GPC5: variants seen among roughly 807,000 people sequenced by gnomAD.
The protein encoded by GPC5 is glypican 5, also known as glypican-5.
GPC5 carries 47 observed loss-of-function variants against 53.9 expected under a neutral mutation model. The observed-to-expected ratio is 0.87, with a 90% CI of 0.69 to 1.11. The LOEUF is 1.11. GPC5 is among the 50% of genes most tolerant of loss of function. The probability of loss-of-function intolerance (pLI) is 0.00; values close to 1 mark genes in which losing one functional copy is unlikely to be tolerated. For missense variants in GPC5, 748 were observed against 713.1 expected (o/e 1.05, Z -0.56); for synonymous variants, 286 against 263.3 (o/e 1.09, Z -0.84).
intron 7 of GPC5, among the ~76,000 whole-genome samples, chr13:92,564,076 G>C (rs1177311780): frequency 1.3e-5 from 2 of 151,980 alleles, no homozygotes; most frequent in Non-Finnish European, 2.9e-5. Flanking sequence ...CAAGTATATA[G>C]AGAGAAATAA....
At chr13:91,483,898 A>G (rs1487931074) in intron 2 of GPC5, among the ~76,000 whole-genome samples, 3 of 152,198 alleles carry the variant, frequency 2.0e-5, no homozygotes, top group Admixed American at 2.0e-4. Context: ...TTAAAGTCGC[A>G]GTTTCCAAGC....
At chr13:91,490,749 C>T (rs1048488205) in intron 2 of GPC5, among the ~76,000 whole-genome samples, 2 of 152,140 alleles carry the variant, frequency 1.3e-5, no homozygotes, top group Non-Finnish European at 2.9e-5. Flanking sequence ...GCTAAATGTA[C>T]AAGTTACTTC....
intron 2 of GPC5, among the ~76,000 whole-genome samples, chr13:91,504,074 A>G (rs1297910628): frequency 6.6e-6 from 1 of 151,950 alleles, no homozygotes; most frequent in Non-Finnish European, 1.5e-5. Context: ...ACAAAAAACA[A>G]TTGTTCTTCT....
In GPC5 at chr13:92,239,073, A is replaced by C. The variant is rs118077333; in HGVS notation, c.1561+94084A>C. On this transcript the variant is annotated intron_variant, in intron 7 of 7. Coordinates refer to ENST00000377067, the MANE Select transcript of GPC5 (RefSeq NM_004466.6). ...ACTATAAATGTGAAGTTTTATTTGT[A>C]GACTCTCATTAGTACCACACTGTCT... 5.3e-4 allele frequency among the ~76,000 whole-genome samples: 81 copies of C among 151,652 alleles called. 4 individuals carry two copies. The East Asian group carries it at 0.014, about 26-fold the overall frequency.
chr13:91,582,863 A>C (rs1337382612), intron 2 of GPC5, among the ~76,000 whole-genome samples: 2 of 152,130 alleles, frequency 1.3e-5, no homozygotes, highest in Non-Finnish European at 1.5e-5. Context: ...ATATACAAAA[A>C]TTATCTGGGC....
At chr13:91,678,197 A>G (rs2035427019) in intron 2 of GPC5, among the ~76,000 whole-genome samples, 1 of 152,156 alleles carries the variant, frequency 6.6e-6, no homozygotes, top group Non-Finnish European at 1.5e-5. Flanking sequence ...CCCGACCTGT[A>G]ACTGTAGGAA....
chr13:91,865,760 T>G (rs1594627090), intron 5 of GPC5, among the ~76,000 whole-genome samples: 1 of 152,266 alleles, frequency 6.6e-6, no homozygotes, highest in East Asian at 1.9e-4. Context: ...CTCTTCCCAT[T>G]TTTCTTTTTC....
chr13:92,491,533 G>A (rs1039166280), intron 7 of GPC5, among the ~76,000 whole-genome samples: 17 of 152,196 alleles, frequency 1.1e-4, no homozygotes, highest in African/African-American at 4.1e-4. Flanking sequence ...CACATCGGCA[G>A]CACGTTCTTC....
intron 7 of GPC5, among the ~76,000 whole-genome samples, chr13:92,471,575 T>C (rs1878912884): frequency 6.6e-6 from 1 of 152,080 alleles, no homozygotes; most frequent in South Asian, 2.1e-4. Flanking sequence ...CTTAGTTAAT[T>C]AGCTGGCAGA....
chr13:92,106,480 TTTCAC>T (rs1417855196), intron 6 of GPC5, among the ~76,000 whole-genome samples: 1 of 152,048 alleles, frequency 6.6e-6, no homozygotes, highest in Non-Finnish European at 1.5e-5. Flanking sequence ...AAATTGAACT[TTTCAC>T]TCACGAAACA....
At chr13:91,497,283 G>A (rs1884324067) in intron 2 of GPC5, among the ~76,000 whole-genome samples, 1 of 149,642 alleles carries the variant, frequency 6.7e-6, no homozygotes, top group Admixed American at 6.8e-5. Context: ...TTATACTGAA[G>A]TCAGATATAG....
chr13:91,975,820 A>C (rs1000392456), intron 6 of GPC5, among the ~76,000 whole-genome samples: 4 of 152,210 alleles, frequency 2.6e-5, no homozygotes, highest in Admixed American at 6.5e-5. Flanking sequence ...ACACATGCAC[A>C]CATATGTTTA....
At chr13:91,589,646 A>C (rs1264664870) in intron 2 of GPC5, among the ~76,000 whole-genome samples, 1 of 152,144 alleles carries the variant, frequency 6.6e-6, no homozygotes, top group African/African-American at 2.4e-5. Context: ...ACTGATTGAC[A>C]AAGGGTACAA....
chr13:91,815,341 C>A (rs2038383042), intron 5 of GPC5, among the ~76,000 whole-genome samples: 1 of 152,038 alleles, frequency 6.6e-6, no homozygotes, highest in African/African-American at 2.4e-5. Flanking sequence ...TGCACTCCAG[C>A]CTGGAAGACA....
rs141851768 is a variant in GPC5 at position 91,884,764 on chromosome 13, A to G, written c.1281-23173A>G. Reference sequence around the variant, plus strand: ...AGGAACCGTCAAGTTAGAAGTGCTCATATTCAAATGTGGTCAGAATCTGGA... The same window carrying G: ...AGGAACCGTCAAGTTAGAAGTGCTCGTATTCAAATGTGGTCAGAATCTGGA... On this transcript the variant is annotated intron_variant, in intron 5 of 7. Transcript: ENST00000377067. Among the ~76,000 whole-genome samples, 270 of 152,322 alleles carry G rather than the reference A, an allele frequency of 1.8e-3. 2 individuals carry two copies. Among genetic ancestry groups the G allele is most frequent in the African/African-American group, 6.1e-3 (254 of 41,582 alleles).
At position 91,906,582 on chromosome 13, in the gene GPC5, A is replaced by G. The variant is rs115214268; in HGVS notation, c.1281-1355A>G. Among the ~76,000 whole-genome samples the G allele has an allele frequency of 5.5e-3, 838 of 152,260 alleles. 8 individuals are homozygous for G. The highest frequency in any genetic ancestry group is 0.019 in the African/African-American group (801 of 41,560). ...AATAAACATACAAATGAATGAGTTA[A>G]TTACTATATTCCTGGTTAAGTAATG... On this transcript the variant is annotated intron_variant, in intron 5 of 7. Transcript: ENST00000377067.
chr13:92,191,520 T>C (rs925833966), intron 7 of GPC5, among the ~76,000 whole-genome samples: 1 of 152,176 alleles, frequency 6.6e-6, no homozygotes, highest in African/African-American at 2.4e-5. Flanking sequence ...TCAATTGCAC[T>C]ACCCAAATGA....
chr13:91,814,433 A>T (rs2038367108), intron 5 of GPC5, among the ~76,000 whole-genome samples: 1 of 152,184 alleles, frequency 6.6e-6, no homozygotes, highest in Non-Finnish European at 1.5e-5. Context: ...ACCTGACATC[A>T]TAATATTCGG....
chr13:92,621,959 A>G (rs1224779213), intron 7 of GPC5, among the ~76,000 whole-genome samples: 1 of 152,216 alleles, frequency 6.6e-6, no homozygotes, highest in Non-Finnish European at 1.5e-5. Context: ...TAATAATAAT[A>G]GAACATACAC....
Sources: allele counts gnomAD v4.1 joint callset (sites outside exome capture counted in the v4.1 genomes callset), GRCh38; gene constraint gnomAD v4.1.1; transcripts MANE v1.5; gene names NCBI Gene and HGNC (gene_info 2026-07-23, HGNC 2026-07-21).